The following SLC39A6 variants were observed in gnomAD, a reference collection of about 807,000 sequenced individuals.
The protein encoded by SLC39A6 is zinc transporter ZIP6.
Under a neutral mutation model 63.5 loss-of-function variants are expected in SLC39A6, and 51 were observed. The ratio of observed to expected loss-of-function variants is 0.80; its 90% CI spans 0.64 to 1.01. The LOEUF (loss-of-function observed/expected upper bound fraction) is 1.01. Among genes scored for constraint, SLC39A6 ranks in the 50% least tolerant of loss-of-function variants. The pLI, the probability that SLC39A6 is intolerant of heterozygous loss-of-function variation, is 0.00. For missense variants in SLC39A6, 805 were observed against 927.8 expected (o/e 0.87, Z 1.72); for synonymous variants, 318 against 324.7 (o/e 0.98, Z 0.22).
intron 5 of SLC39A6, among the ~76,000 whole-genome samples, chr18:36,120,245 C>CA (rs1491492976): frequency 6.7e-6 from 1 of 150,190 alleles, no homozygotes; most frequent in Non-Finnish European, 1.5e-5. Flanking sequence ...TAATGAGTAG[C>CA]TTTTTTTTTT....
chr18:36,112,513 G>A lies in SLC39A6; in HGVS notation c.1912C>T (p.Pro638Ser). ...TSVAVFCHEL[P>S]HELGDFAVLL... ...GTGGTTCTCTTACCTAATTCATGAG[G>A]CAACTCATGACAGAACACAGCAACA... Residue 638 changes from proline to serine, a missense_variant, in exon 8 of 10, where the codon CCT becomes TCT. Around this residue, in one of 4 missense-constraint regions of SLC39A6, gnomAD observed 145 missense variants for 227.2 expected, o/e 0.64. Coordinates refer to ENST00000269187, the MANE Select transcript of SLC39A6 (RefSeq NM_012319.4). 2 of 1,609,440 alleles carry A rather than the reference G, an allele frequency of 1.2e-6. No individual in the cohort carries two copies. Among genetic ancestry groups the A allele is most frequent in the Non-Finnish European group, 1.7e-6 (2 of 1,176,344 alleles).
At position 36,111,055 on chromosome 18, in the gene SLC39A6, T is replaced by C. The variant is rs375300080; in HGVS notation, c.2115+4A>G. Reference sequence around the variant, plus strand: ...TAATGTAATAAGACTTCTTAAAAACTTACCATATCAACCAGAGCAACATAC... The same window carrying C: ...TAATGTAATAAGACTTCTTAAAAACCTACCATATCAACCAGAGCAACATAC... On this transcript the variant is annotated splice_donor_region_variant and intron_variant, in intron 9 of 9. Coordinates refer to ENST00000269187, the MANE Select transcript of SLC39A6 (RefSeq NM_012319.4). 2.5e-6 allele frequency: 4 copies of C among 1,613,326 alleles called. No homozygotes were observed. The African/African-American group carries it at 4.0e-5, about 16-fold the overall frequency.
At chr18:36,117,057 T>C (rs543949933) in intron 5 of SLC39A6, among the ~76,000 whole-genome samples, 1 of 152,240 alleles carries the variant, frequency 6.6e-6, no homozygotes, top group South Asian at 2.1e-4. Flanking sequence ...GCCAATACGG[T>C]GAAACTCCAT....
intron 5 of SLC39A6, among the ~76,000 whole-genome samples, chr18:36,117,759 T>C (rs1393424331): frequency 6.6e-6 from 1 of 152,172 alleles, no homozygotes; most frequent in Non-Finnish European, 1.5e-5. Flanking sequence ...CGGCCGGGCA[T>C]GGTGGCGAAC....
At chr18:36,115,482 CAA>C (rs2089337461) in intron 6 of SLC39A6, among the ~76,000 whole-genome samples, 2 of 151,236 alleles carry the variant, frequency 1.3e-5, no homozygotes, top group African/African-American at 2.4e-5. Context: ...ACAACAACAA[CAA>C]CAACAACAAC....
At position 36,126,747 on chromosome 18, in the gene SLC39A6, A is replaced by G; in HGVS notation, c.261T>C (p.Ile87=). The change falls in exon 2 of 10, where the codon ATT becomes ATC. Residue 87 remains isoleucine, a synonymous_variant. Transcript: ENST00000269187. ...KLLQNIGIDK[I]KRIHIHHDHD... Reference sequence around the variant, plus strand: ...GGTCATGGTGTATATGGATTCTTTTAATCTTATCTATGCCTATATTTTGAA... The same window carrying G: ...GGTCATGGTGTATATGGATTCTTTTGATCTTATCTATGCCTATATTTTGAA... The G allele has an allele frequency of 6.2e-7, 1 of 1,614,164 alleles. No homozygotes were observed. Among genetic ancestry groups the G allele is most frequent in the Non-Finnish European group, 8.5e-7 (1 of 1,180,026 alleles).
At chr18:36,120,592 A>G in intron 5 of SLC39A6, among the ~76,000 whole-genome samples, 1 of 152,230 alleles carries the variant, frequency 6.6e-6, no homozygotes, top group East Asian at 1.9e-4. Context: ...CGCCAGTTAT[A>G]CTTATTACTG....
intron 5 of SLC39A6, among the ~76,000 whole-genome samples, chr18:36,119,312 A>G (rs1440309118): frequency 6.6e-6 from 1 of 152,200 alleles, no homozygotes; most frequent in Non-Finnish European, 1.5e-5. Flanking sequence ...CTCCTATGGG[A>G]AGTCTTCATC....
chr18:36,124,338 A>AT (rs577320407), intron 3 of SLC39A6, among the ~76,000 whole-genome samples, 182 bp downstream of exon 3: 291 of 151,628 alleles, frequency 1.9e-3, no homozygotes, highest in African/African-American at 6.7e-3. Flanking sequence ...ATTTTCTGGG[A>AT]TTTTTTTTTA....
In SLC39A6 at chr18:36,126,884, A is replaced by C; in HGVS notation, c.124T>G (p.Ser42Ala). 6.2e-7 allele frequency: 1 copy of C among 1,614,206 alleles called. No homozygotes were observed. The highest frequency in any genetic ancestry group is 8.5e-7 in the Non-Finnish European group (1 of 1,180,036). The change falls in exon 2 of 10, where the codon TCT becomes GCT. Residue 42 changes from serine (S) to alanine (A), a missense_variant. This residue lies in a region of SLC39A6 where 639 missense variants were observed against 644.0 expected (regional missense o/e 0.99). Coordinates refer to ENST00000269187, the MANE Select transcript of SLC39A6 (RefSeq NM_012319.4). The part of the protein sequence containing the change: ...TTEKISPNWE[S>A]GINVDLAIST... ...ATTGCCAAGTCAACATTAATGCCAG[A>C]TTCCCAATTCGGACTAATTTTCTCA...
chr18:36,120,522 T>G (rs2089384412), intron 5 of SLC39A6, among the ~76,000 whole-genome samples: 1 of 152,252 alleles, frequency 6.6e-6, no homozygotes. Flanking sequence ...ATGCATTTGT[T>G]TCCCACAGTG....
chr18:36,126,307 C>G lies in SLC39A6; in HGVS notation c.701G>C (p.Arg234Pro), dbSNP rs568195475. ...PSVTSKSRVS[R>P]LAGRKTNESV... is the part of the protein sequence containing the mutation. ...TTCATTTGTTTTCCTACCAGCCAGC[C>G]GGCTCACCCGGCTCTTTGATGTGAC... The change falls in exon 2 of 10, where the codon CGG becomes CCG. Residue 234 changes from arginine (R) to proline (P), a missense_variant. By Grantham distance (103) the Arg-to-Pro change is moderately radical. This residue lies in a region of SLC39A6 where 639 missense variants were observed against 644.0 expected (regional missense o/e 0.99). Coordinates refer to ENST00000269187, the MANE Select transcript of SLC39A6 (RefSeq NM_012319.4). The G allele has an allele frequency of 3.4e-5, 55 of 1,614,262 alleles. No individual in the cohort carries two copies. In the East Asian group the frequency reaches 1.1e-3, roughly 33 times the overall value.
At position 36,108,829 on chromosome 18, in the gene SLC39A6, A is replaced by G. The variant is rs1035040050; in HGVS notation, c.*764T>C. 1.3e-5 allele frequency: 2 copies of G among 152,226 alleles called. No homozygotes were observed. The allele number at this position is 152,226 out of a possible 1,614,324, so 9.4% of individuals were successfully genotyped here. ...CTTGGCAATAACCCAGTCTGGTGAT[A>G]CATAAAACTACTCACTGTACTCATC... On this transcript the variant is annotated 3_prime_UTR_variant, in exon 10 of 10. Transcript: ENST00000269187.
At position 36,126,611 on chromosome 18, in the gene SLC39A6, T is replaced by C. The variant is rs2089440100; in HGVS notation, c.397A>G (p.Asn133Asp). 2.5e-6 allele frequency: 4 copies of C among 1,613,758 alleles called. No homozygotes were observed. Among genetic ancestry groups the C allele is most frequent in the Admixed American group, 1.7e-5 (1 of 59,998 alleles). ...HSDHDHHSHHNHAASGKNKRK... is the reference protein window; with the variant it reads ...HSDHDHHSHHDHAASGKNKRK... Reference sequence around the variant, plus strand: ...TTATTTTTACCAGAAGCAGCATGATTATGGTGAGAGTGATGATCATGGTCA... The same window carrying C: ...TTATTTTTACCAGAAGCAGCATGATCATGGTGAGAGTGATGATCATGGTCA... Residue 133 changes from asparagine (N) to aspartate (D), a missense_variant, in exon 2 of 10, where the codon AAT becomes GAT. By Grantham distance (23) the Asn-to-Asp change is conservative. Coordinates refer to ENST00000269187, the MANE Select transcript of SLC39A6 (RefSeq NM_012319.4).
At chr18:36,111,473 T>C (rs1184941822) in intron 8 of SLC39A6, among the ~76,000 whole-genome samples, 1 of 149,854 alleles carries the variant, frequency 6.7e-6, no homozygotes, top group Non-Finnish European at 1.5e-5. Flanking sequence ...CAACTTGATG[T>C]ACAAACTTTT....
intron 6 of SLC39A6, 58 bp downstream of exon 6, chr18:36,116,616 T>A: frequency 8.2e-7 from 1 of 1,219,978 alleles, no homozygotes; most frequent in Admixed American, 1.9e-5. Flanking sequence ...TCAAGTTGCC[T>A]GCAAATCATA....
intron 8 of SLC39A6, 142 bp from the exon 9 acceptor site, chr18:36,111,391 G>T: frequency 1.4e-6 from 1 of 700,070 alleles, no homozygotes. Context: ...ATGACCTAGG[G>T]TTAAAGCAGT....
Position 36,120,058 on chromosome 18 carries a change from T to C in SLC39A6, c.1359+1994A>G, listed in dbSNP as rs558313162. Among the ~76,000 whole-genome samples the C allele has an allele frequency of 2.0e-5, 3 of 152,262 alleles. No homozygotes were observed. In the South Asian group the frequency reaches 6.2e-4, roughly 32 times the overall value. Reference sequence around the variant, plus strand: ...CCAAGTCTCCCAGAATGAAAACTGATCTTTTTTTTAAATGTAAGAAAAACT... The same window carrying C: ...CCAAGTCTCCCAGAATGAAAACTGACCTTTTTTTTAAATGTAAGAAAAACT... On this transcript the variant is annotated intron_variant, in intron 5 of 9. Transcript: ENST00000269187.
rs751350494 is a variant in SLC39A6 at position 36,126,661 on chromosome 18, TGCTCATGGTCTGAGTGAC to T, written c.329_346del (p.Arg110_Glu115del). On this transcript the variant is annotated inframe_deletion, in exon 2 of 10. Coordinates refer to ENST00000269187, the MANE Select transcript of SLC39A6 (RefSeq NM_012319.4). ...AGAGTGATGCTCGTGCTCTGAGTGA[TGCTCATGGTCTGAGTGAC>T]GCTCATGGTCTGAGTGATGCTCGTG... 6.3e-7 allele frequency: 1 copy of T among 1,597,916 alleles called. No individual in the cohort carries two copies. Among genetic ancestry groups the T allele is most frequent in the African/African-American group, 1.4e-5 (1 of 73,446 alleles).
Sources: allele counts gnomAD v4.1 joint callset (sites outside exome capture counted in the v4.1 genomes callset), GRCh38; gene constraint gnomAD v4.1.1; regional missense constraint gnomAD v4.1.1; transcripts MANE v1.5; gene names NCBI Gene and HGNC (gene_info 2026-07-23, HGNC 2026-07-21).